Variants in ITGBL1 observed in about 807,000 individuals in gnomAD.
ITGBL1 encodes integrin beta-like protein 1.
ITGBL1 carries 51 observed loss-of-function variants against 68.5 expected under a neutral mutation model. That is an observed-to-expected ratio of 0.74 (90% CI 0.59 to 0.94). The LOEUF is 0.94. Ranked by LOEUF, ITGBL1 falls within the 40% of genes least tolerant of loss-of-function variation. ITGBL1 has a pLI of 0.00. For missense variants in ITGBL1, 649 were observed against 647.4 expected (o/e 1.00, Z -0.03); for synonymous variants, 209 against 227.3 (o/e 0.92, Z 0.72).
intron 2 of ITGBL1, among the ~76,000 whole-genome samples, chr13:101,528,014 T>G (rs923673988): frequency 2.6e-5 from 4 of 150,950 alleles, no homozygotes; most frequent in African/African-American, 9.8e-5. Context: ...ATGTTTATGG[T>G]TTTGCTAAAA....
intron 2 of ITGBL1, among the ~76,000 whole-genome samples, chr13:101,549,580 CAA>C (rs2049886303): frequency 6.6e-6 from 1 of 151,910 alleles, no homozygotes; most frequent in African/African-American, 2.4e-5. Context: ...TGAAAATGTT[CAA>C]GACTCAGTAG....
intron 7 of ITGBL1, among the ~76,000 whole-genome samples, chr13:101,623,569 G>A (rs2031667389): frequency 6.6e-6 from 1 of 152,078 alleles, no homozygotes; most frequent in Admixed American, 6.6e-5. Flanking sequence ...ACAGATTCCT[G>A]GTAAGATGAT....
chr13:101,504,386 C>T (rs1325165350), intron 2 of ITGBL1, among the ~76,000 whole-genome samples: 1 of 152,148 alleles, frequency 6.6e-6, no homozygotes, highest in East Asian at 1.9e-4. Context: ...TACTATTTTA[C>T]ACTGATTCTC....
At chr13:101,523,930 A>C (rs1325240356) in intron 2 of ITGBL1, among the ~76,000 whole-genome samples, 1 of 152,122 alleles carries the variant, frequency 6.6e-6, no homozygotes, top group Non-Finnish European at 1.5e-5. Context: ...AGCTTCACTC[A>C]CTGCTCCTCA....
chr13:101,646,413 C>G (rs886418331), intron 7 of ITGBL1, among the ~76,000 whole-genome samples: 1 of 151,894 alleles, frequency 6.6e-6, no homozygotes, highest in Non-Finnish European at 1.5e-5. Context: ...AAATAACTTA[C>G]CCAAAGGTTA....
At chr13:101,603,838 G>T (rs971985246) in intron 7 of ITGBL1, among the ~76,000 whole-genome samples, 4 of 151,864 alleles carry the variant, frequency 2.6e-5, no homozygotes, top group Non-Finnish European at 2.9e-5. Flanking sequence ...TTACATTTAA[G>T]TTAGAGAACT....
chr13:101,620,693 A>C (rs1005684308), intron 7 of ITGBL1, among the ~76,000 whole-genome samples: 17 of 152,128 alleles, frequency 1.1e-4, no homozygotes, highest in African/African-American at 4.1e-4. Context: ...ACATGAGAGG[A>C]AATGTGGATG....
intron 2 of ITGBL1, among the ~76,000 whole-genome samples, chr13:101,514,073 CAT>C (rs2139118057): frequency 6.6e-6 from 1 of 152,122 alleles, no homozygotes; most frequent in East Asian, 1.9e-4. Flanking sequence ...AACACAAACA[CAT>C]GTTCTGTGTT....
chr13:101,546,137 A>G (rs1323710212), intron 2 of ITGBL1, among the ~76,000 whole-genome samples: 1 of 152,208 alleles, frequency 6.6e-6, no homozygotes, highest in Admixed American at 6.5e-5. Flanking sequence ...TTCCTTTATG[A>G]ACGTTAGAAC....
intron 2 of ITGBL1, among the ~76,000 whole-genome samples, chr13:101,563,053 A>G (rs2050126034): frequency 1.3e-5 from 2 of 151,512 alleles, no homozygotes; most frequent in Admixed American, 1.3e-4. Context: ...TATTAAAAAT[A>G]TTTTAATGAA....
chr13:101,535,162 A>G (rs2049551077), intron 2 of ITGBL1, among the ~76,000 whole-genome samples: 1 of 152,064 alleles, frequency 6.6e-6, no homozygotes, highest in African/African-American at 2.4e-5. Context: ...TGCTCAATAT[A>G]TCTACGTGGT....
intron 2 of ITGBL1, among the ~76,000 whole-genome samples, chr13:101,456,349 A>G (rs957286251): frequency 4.6e-5 from 7 of 152,186 alleles, no homozygotes; most frequent in African/African-American, 1.7e-4. Flanking sequence ...GATCCCTACA[A>G]GTAGCACCTA....
At chr13:101,704,080 T>C (rs879418984) in intron 8 of ITGBL1, among the ~76,000 whole-genome samples, 17,062 of 152,102 alleles carry the variant, frequency 0.11, 1,385 homozygotes, top group African/African-American at 0.23. Context: ...CTATACTGAA[T>C]AAATGCCTGC....
At chr13:101,564,937 A>G (rs2050160357) in intron 2 of ITGBL1, among the ~76,000 whole-genome samples, 1 of 152,090 alleles carries the variant, frequency 6.6e-6, no homozygotes, top group Admixed American at 6.6e-5. Flanking sequence ...ATGCAGTATC[A>G]TCAGAGCAGA....
intron 2 of ITGBL1, among the ~76,000 whole-genome samples, chr13:101,526,781 G>A (rs1457309913): frequency 6.6e-6 from 1 of 151,630 alleles, no homozygotes; most frequent in Non-Finnish European, 1.5e-5. Context: ...CATCTATAAT[G>A]CCATCATAGA....
At chr13:101,519,734 T>A (rs980882) in intron 2 of ITGBL1, among the ~76,000 whole-genome samples, 84,716 of 151,948 alleles carry the variant, frequency 0.56, 24,501 homozygotes, top group African/African-American at 0.73. Context: ...GTAATTTTTT[T>A]GAGCTAATTA....
Position 101,607,587 on chromosome 13 carries a change from C to A in ITGBL1, c.1015+9288C>A, listed in dbSNP as rs1017923581. On this transcript the variant is annotated intron_variant, in intron 7 of 10. Transcript: ENST00000376180. ...ATGTACAAATCTCTTAGTATTAATT[C>A]TTGGATATGGAATACATAGGTTTAA... Among the ~76,000 whole-genome samples, 3 of 151,736 alleles carry A rather than the reference C, an allele frequency of 2.0e-5. No homozygotes were observed. In the South Asian group the frequency reaches 6.2e-4, roughly 32 times the overall value.
intron 7 of ITGBL1, among the ~76,000 whole-genome samples, chr13:101,685,289 G>A (rs988981667): frequency 3.3e-5 from 5 of 151,836 alleles, no homozygotes; most frequent in Admixed American, 6.6e-5. Context: ...TTTATTTTAC[G>A]TTGCTGATAT....
intron 2 of ITGBL1, among the ~76,000 whole-genome samples, chr13:101,480,800 G>A (rs539533456): frequency 6.6e-6 from 1 of 152,090 alleles, no homozygotes; most frequent in East Asian, 1.9e-4. Context: ...TGAGGAGTTG[G>A]GGTTGTTTTG....
Sources: allele counts gnomAD v4.1 joint callset (sites outside exome capture counted in the v4.1 genomes callset), GRCh38; gene constraint gnomAD v4.1.1; transcripts MANE v1.5; gene names NCBI Gene and HGNC (gene_info 2026-07-23, HGNC 2026-07-21).